Variants in ATP5F1A observed in about 807,000 individuals in gnomAD.
ATP5F1A encodes ATP synthase F1 subunit alpha, also known as ATP synthase F(1) complex subunit alpha, mitochondrial.
Under a neutral mutation model 57.4 loss-of-function variants are expected in ATP5F1A, and 24 were observed. The observed-to-expected ratio is 0.42, with a 90% CI of 0.30 to 0.59. The LOEUF (loss-of-function observed/expected upper bound fraction) is 0.59. ATP5F1A is among the 20% of genes least tolerant of loss of function. ATP5F1A has a pLI of 0.19. For missense variants in ATP5F1A, 494 were observed against 707.9 expected (o/e 0.70, Z 3.43); for synonymous variants, 251 against 255.5 (o/e 0.98, Z 0.17).
upstream of ATP5F1A, chr18:46,098,485 G>T: frequency 8.3e-7 from 1 of 1,201,702 alleles, no homozygotes; most frequent in Non-Finnish European, 1.1e-6. Flanking sequence ...CTTTGGTCCT[G>T]GCATTCGTTA....
chr18:46,096,500 CAAAA>C lies in ATP5F1A; in HGVS notation c.61-1373_61-1370del, dbSNP rs770383471. ...GGGCGACAAAAGCAAAACTCCGTCTCAAAAAAAAAAAAAAAAAGCAACTGTTAAC... is the reference window on the plus strand; with the variant it reads ...GGGCGACAAAAGCAAAACTCCGTCTCAAAAAAAAAAAAAGCAACTGTTAAC... On this transcript the variant is annotated intron_variant, in intron 1 of 11. Transcript: ENST00000398752. Among the ~76,000 whole-genome samples the C allele has an allele frequency of 8.0e-3, 563 of 70,644 alleles. 4 individuals carry two copies. Among genetic ancestry groups the C allele is most frequent in the Middle Eastern group, 0.078 (7 of 90 alleles). The allele number at this position is 70,644 out of a possible 152,430, so 46.3% of individuals were successfully genotyped here. A position where few individuals can be genotyped will look rare whatever the true frequency, so the allele number is the denominator to read the frequency against.
At position 46,087,367 on chromosome 18, in the gene ATP5F1A, T is replaced by C; in HGVS notation, c.925A>G (p.Ile309Val). 1 of 1,614,132 alleles carries C rather than the reference T, an allele frequency of 6.2e-7. No individual in the cohort carries two copies. Residue 309 changes from isoleucine to valine, a missense_variant, in exon 7 of 12, where the codon ATC (isoleucine) becomes GTC (valine). By Grantham distance (29) the Ile-to-Val change is conservative. Transcript: ENST00000398752. The stretch of plus-strand genomic sequence containing the variant: ...TGTTTGGATAAGTCGTCATAGATGA[T>C]CAAAGCATGTTTGCCATTGTCTCTA... ...YFRDNGKHALIIYDDLSKQAV... is the reference protein window; with the variant it reads ...YFRDNGKHALVIYDDLSKQAV...
chr18:46,097,321 A>T (rs1318677952), intron 1 of ATP5F1A, among the ~76,000 whole-genome samples: 1 of 152,178 alleles, frequency 6.6e-6, no homozygotes, highest in Non-Finnish European at 1.5e-5. Flanking sequence ...AACAAAAAAA[A>T]AGTGTCAGTG....
intron 3 of ATP5F1A, among the ~76,000 whole-genome samples, chr18:46,091,273 C>T (rs1003344944): frequency 6.6e-6 from 1 of 152,218 alleles, no homozygotes; most frequent in African/African-American, 2.4e-5. Flanking sequence ...CACCAAAACT[C>T]GCCTTTGAAC....
chr18:46,086,659 TAGG>T (rs1429491087), intron 8 of ATP5F1A, 165 bp from the exon 9 acceptor site: 1 of 644,654 alleles, frequency 1.6e-6, no homozygotes, highest in Non-Finnish European at 2.6e-6. Context: ...TTGCTGCAAT[TAGG>T]AGATGTGCAT....
At chr18:46,087,696 A>G (rs1349081998) in intron 6 of ATP5F1A, 1 of 563,982 alleles carries the variant, frequency 1.8e-6, no homozygotes, top group African/African-American at 1.9e-5. Flanking sequence ...CCTGACCAAT[A>G]TGAGGAAACT....
chr18:46,098,363 C>T, upstream of ATP5F1A: 2 of 653,852 alleles, frequency 3.1e-6, no homozygotes, highest in Admixed American at 5.7e-5. Context: ...CTCGCGTTCA[C>T]CACCTCTCCC....
rs1050891396 is a variant in ATP5F1A at position 46,085,980 on chromosome 18, A to G, written c.1429+133T>C. 7 of 1,003,992 alleles carry G rather than the reference A, an allele frequency of 7.0e-6. No homozygotes were observed. In the Admixed American group the frequency reaches 9.7e-5, roughly 14 times the overall value. 62.2% of individuals were successfully genotyped at this position (1,003,992 alleles called of 1,614,324 possible). ...ATCAAAAAACAAATGTAGTTTAAGTAAAAGTGCCTTTGATGAAAGATAACA... is the reference window on the plus strand; with the variant it reads ...ATCAAAAAACAAATGTAGTTTAAGTGAAAGTGCCTTTGATGAAAGATAACA... On this transcript the variant is annotated intron_variant, in intron 10 of 11. Transcript: ENST00000398752.
At chr18:46,087,320 T>C (rs1192893547) in intron 7 of ATP5F1A, 21 bp downstream of exon 7, 5 of 1,612,460 alleles carry the variant, frequency 3.1e-6, no homozygotes, top group Non-Finnish European at 4.2e-6. Flanking sequence ...AAATGGATTC[T>C]AAAAATTTAT....
intron 1 of ATP5F1A, among the ~76,000 whole-genome samples, chr18:46,095,613 G>A (rs541550399): frequency 1.3e-5 from 2 of 151,546 alleles, no homozygotes; most frequent in Admixed American, 1.3e-4. Flanking sequence ...ACCGCACCCG[G>A]CTTATTTTTT....
upstream of ATP5F1A, chr18:46,098,362 A>AACC (rs1555696620): frequency 1.7e-3 from 2,147 of 1,277,968 alleles, 14 homozygotes; most frequent in Non-Finnish European, 2.0e-3. Flanking sequence ...CCTCGCGTTC[A>AACC]CCACCTCTCC....
At chr18:46,097,809 C>T in intron 1 of ATP5F1A, 1 of 1,077,076 alleles carries the variant, frequency 9.3e-7, no homozygotes, top group Non-Finnish European at 1.1e-6. Context: ...GGACGCGACC[C>T]TAAGAATCGA....
At chr18:46,100,941 C>T (rs562965912), upstream of ATP5F1A, among the ~76,000 whole-genome samples, 17 of 152,062 alleles carry the variant, frequency 1.1e-4, no homozygotes, top group African/African-American at 3.4e-4. Flanking sequence ...GGTATGTTGG[C>T]GGGTGCCTGT....
chr18:46,098,192 G>A lies in ATP5F1A; in HGVS notation c.40C>T (p.Leu14Phe), dbSNP rs1218255774. ...CTCACCAGTCCGGCCCGCCGAGGAAGGGCGCGGACCACGGCCGCAGCAACG... is the reference window on the plus strand; with the variant it reads ...CTCACCAGTCCGGCCCGCCGAGGAAAGGCGCGGACCACGGCCGCAGCAACG... ...VRVAAAVVRA[L>F]PRRAGLVSRN... is the part of the protein sequence containing the mutation. The change falls in exon 1 of 12, where the codon CTT becomes TTT. Residue 14 changes from leucine (L) to phenylalanine (F), a missense_variant. By Grantham distance (22) the Leu-to-Phe change is conservative. Around this residue, in one of 6 missense-constraint regions of ATP5F1A, gnomAD observed 142 missense variants for 137.5 expected, o/e 1.03. Coordinates refer to ENST00000398752, the MANE Select transcript of ATP5F1A (RefSeq NM_004046.6). 1 of 1,606,122 alleles carries A rather than the reference G, an allele frequency of 6.2e-7. No homozygotes were observed. The highest frequency in any genetic ancestry group is 2.2e-5 in the East Asian group (1 of 44,836).
upstream of ATP5F1A, chr18:46,098,362 ACCACCTCTCCCC>A: frequency 7.8e-7 from 1 of 1,281,404 alleles, no homozygotes. Flanking sequence ...CCTCGCGTTC[ACCACCTCTCCCC>A]CCGCCCCCGC....
chr18:46,080,990 C>T lies in ATP5F1A; in HGVS notation c.*3292G>A, dbSNP rs1026677052. On this transcript the variant is annotated 3_prime_UTR_variant, in exon 12 of 12. Coordinates refer to ENST00000398752, the MANE Select transcript of ATP5F1A (RefSeq NM_004046.6). The stretch of plus-strand genomic sequence containing the variant: ...ACTAAAAATACAAAAATTAGCCAGG[C>T]ATGGTGGTGCACACCTATAATCACA... 1.3e-5 allele frequency: 2 copies of T among 151,026 alleles called. No individual in the cohort carries two copies. The highest frequency in any genetic ancestry group is 4.9e-5 in the African/African-American group (2 of 41,050). The allele number at this position is 151,026 out of a possible 1,614,324, so 9.4% of individuals were successfully genotyped here. A position where few individuals can be genotyped will look rare whatever the true frequency, so the allele number is the denominator to read the frequency against.
At position 46,089,624 on chromosome 18, in the gene ATP5F1A, TA is replaced by T; in HGVS notation, c.591del (p.Asp197GlufsTer13). The T allele has an allele frequency of 6.2e-7, 1 of 1,614,070 alleles. No homozygotes were observed. The highest frequency in any genetic ancestry group is 8.5e-7 in the Non-Finnish European group (1 of 1,179,902). ...TGACCACGACCAATTGGCACCAAGCTATCCACAGCCTTAATGCCAGTCTGCA... is the reference window on the plus strand; with the variant it reads ...TGACCACGACCAATTGGCACCAAGCTTCCACAGCCTTAATGCCAGTCTGCA... ...EPMQTGIKAV[D>X]SLVPIGRGQR... is the part of the protein sequence containing the mutation. On this transcript the variant is annotated frameshift_variant, in exon 5 of 12. Coordinates refer to ENST00000398752, the MANE Select transcript of ATP5F1A (RefSeq NM_004046.6). LOFTEE classifies it high-confidence loss of function.
Position 46,084,022 on chromosome 18 carries a change from G to C in ATP5F1A, c.*260C>G. ...AAAAAAAAAACTTACAAAGAGCTCAGCCTTGAATTATCTAGCCCAGTTGAC... is the reference window on the plus strand; with the variant it reads ...AAAAAAAAAACTTACAAAGAGCTCACCCTTGAATTATCTAGCCCAGTTGAC... On this transcript the variant is annotated 3_prime_UTR_variant, in exon 12 of 12. Coordinates refer to ENST00000398752, the MANE Select transcript of ATP5F1A (RefSeq NM_004046.6). 1 of 317,202 alleles carries C rather than the reference G, an allele frequency of 3.2e-6. No homozygotes were observed. Among genetic ancestry groups the C allele is most frequent in the East Asian group, 5.5e-5 (1 of 18,068 alleles). 19.6% of individuals were successfully genotyped at this position (317,202 alleles called of 1,614,324 possible). A position where few individuals can be genotyped will look rare whatever the true frequency, so the allele number is the denominator to read the frequency against.
At chr18:46,092,690 TGATTAA>T (rs1910654707) in intron 2 of ATP5F1A, among the ~76,000 whole-genome samples, 2 of 150,754 alleles carry the variant, frequency 1.3e-5, no homozygotes, top group Admixed American at 1.3e-4. Flanking sequence ...TAAAACCAAG[TGATTAA>T]GGAAAAAAAA....
Sources: allele counts gnomAD v4.1 joint callset (sites outside exome capture counted in the v4.1 genomes callset), GRCh38; gene constraint gnomAD v4.1.1; regional missense constraint gnomAD v4.1.1; transcripts MANE v1.5; gene names NCBI Gene and HGNC (gene_info 2026-07-23, HGNC 2026-07-21).